The following HYDIN variants were observed in gnomAD, a reference collection of about 807,000 sequenced individuals.
HYDIN encodes the protein axonemal central pair apparatus protein HYDIN.
In HYDIN, 132 loss-of-function variants were observed where a neutral mutation model predicts 403.9. The observed-to-expected ratio is 0.33, with a 90% confidence interval of 0.28 to 0.38. HYDIN has a LOEUF of 0.38. Among genes scored for constraint, HYDIN ranks in the 10% least tolerant of loss-of-function variants. The pLI is 1.00. For synonymous variants in HYDIN, 1,202 were observed against 1,891.7 expected (o/e 0.64, Z 9.46); for missense variants, 2,827 against 5,009.5 (o/e 0.56, Z 13.15).
At chr16:70,871,056 A>G (rs908487339) in intron 65 of HYDIN, among the ~76,000 whole-genome samples, 2 of 152,070 alleles carry the variant, frequency 1.3e-5, no homozygotes, top group African/African-American at 4.8e-5. Flanking sequence ...AAAAAAAAGT[A>G]GTATCTGCCT....
At chr16:70,942,794 G>A (rs1455125317) in intron 42 of HYDIN, among the ~76,000 whole-genome samples, 1 of 152,180 alleles carries the variant, frequency 6.6e-6, no homozygotes, top group East Asian at 1.9e-4. Flanking sequence ...AAGAAGCCCT[G>A]TAAGCTCCAC....
At chr16:71,000,293 T>C (rs1378883102) in intron 23 of HYDIN, among the ~76,000 whole-genome samples, 1 of 149,644 alleles carries the variant, frequency 6.7e-6, no homozygotes, top group Non-Finnish European at 1.5e-5. Flanking sequence ...CCACTGATAC[T>C]GGAAACATCG....
At chr16:70,890,085 T>C (rs2041381011) in intron 57 of HYDIN, among the ~76,000 whole-genome samples, 1 of 152,258 alleles carries the variant, frequency 6.6e-6, no homozygotes, top group Non-Finnish European at 1.5e-5. Context: ...TAAGCTCTTT[T>C]CTGTATCTTC....
chr16:70,978,087 C>T (rs1433850644), intron 30 of HYDIN, among the ~76,000 whole-genome samples: 19 of 152,088 alleles, frequency 1.2e-4, no homozygotes, highest in Admixed American at 1.2e-3. Flanking sequence ...AGAAATCTCA[C>T]ATTCGGTAGC....
rs764069105 is a variant in HYDIN, at chr16:71,129,715, G to A, written c.1152C>T (p.Thr384=). 1.9e-6 allele frequency: 3 copies of A among 1,614,066 alleles called. No individual in the cohort carries two copies. Among genetic ancestry groups the A allele is most frequent in the African/African-American group, 2.7e-5 (2 of 74,912 alleles). The change falls in exon 9 of 86, where the codon ACC becomes ACT. Residue 384 remains threonine, a synonymous_variant. Transcript: ENST00000393567. ...GCACCAGCCTCCTCTGATTCGCAAA[G>A]GTTCGGGACAGAACAGAAAGATGTT... ...LREHLSVLSR[T]FANQRRLVQG... is the part of the protein sequence containing the mutation.
At chr16:70,995,721 T>C (rs1199029319) in intron 23 of HYDIN, among the ~76,000 whole-genome samples, 1 of 151,996 alleles carries the variant, frequency 6.6e-6, no homozygotes. Flanking sequence ...TGTAGTCTTG[T>C]GGGAAAAGGT....
chr16:71,215,237 G>A (rs2088819637), intron 1 of HYDIN, among the ~76,000 whole-genome samples: 1 of 151,902 alleles, frequency 6.6e-6, no homozygotes, highest in African/African-American at 2.4e-5. Context: ...GAGAAAGGGA[G>A]AAATGGAGAA....
At position 70,829,606 on chromosome 16, in the gene HYDIN, ACCT is replaced by A; in HGVS notation, c.14112+9_14112+11del. On this transcript the variant is annotated intron_variant, in intron 81 of 85. Transcript: ENST00000393567. ...CCAGGAAACCAATGGGGGTGGGGGG[ACCT>A]CAGTCTACCTGGTGCTTGCGGTTCT... 6.2e-7 allele frequency: 1 copy of A among 1,609,216 alleles called. No homozygotes were observed. Among genetic ancestry groups the A allele is most frequent in the East Asian group, 2.2e-5 (1 of 44,846 alleles).
At chr16:71,197,340 G>C (rs1023258555) in intron 1 of HYDIN, among the ~76,000 whole-genome samples, 1 of 152,166 alleles carries the variant, frequency 6.6e-6, no homozygotes, top group South Asian at 2.1e-4. Context: ...TCAGTGATAC[G>C]GTTACTAGCA....
intron 83 of HYDIN, among the ~76,000 whole-genome samples, chr16:70,819,621 A>C (rs1351325748): frequency 6.8e-6 from 1 of 146,552 alleles, no homozygotes; most frequent in Non-Finnish European, 1.5e-5. Context: ...GGTGACTGAT[A>C]ATGTTCAGCA....
intron 7 of HYDIN, among the ~76,000 whole-genome samples, chr16:71,151,621 C>T (rs1302590072): frequency 1.3e-5 from 2 of 151,844 alleles, no homozygotes; most frequent in Non-Finnish European, 2.9e-5. Flanking sequence ...TTAGCTTACT[C>T]TTTCCCCGGC....
In HYDIN at chr16:71,226,443, C is replaced by G. The variant is rs79407592; in HGVS notation, c.-24+4119G>C. On this transcript the variant is annotated intron_variant, in intron 1 of 85. Coordinates refer to ENST00000393567, the MANE Select transcript of HYDIN (RefSeq NM_001270974.2). ...ACATAAAAATTAACTCAAAACTCAT[C>G]AAAGACCTACATGTGAAACCCAAAG... Among the ~76,000 whole-genome samples, 1,299 of 152,156 alleles carry G rather than the reference C, an allele frequency of 8.5e-3. 18 individuals carry two copies. Among genetic ancestry groups the G allele is most frequent in the African/African-American group, 0.03 (1,235 of 41,518 alleles).
At chr16:71,061,802 C>A (rs960500137) in intron 17 of HYDIN, among the ~76,000 whole-genome samples, 1 of 150,812 alleles carries the variant, frequency 6.6e-6, no homozygotes, top group Non-Finnish European at 1.5e-5. Context: ...GATGTGCTGG[C>A]TTCCTCCCCT....
chr16:70,964,889 C>G lies in HYDIN; in HGVS notation c.5627G>C (p.Arg1876Pro), dbSNP rs371318679. 1 of 1,612,770 alleles carries G rather than the reference C, an allele frequency of 6.2e-7. No homozygotes were observed. Among genetic ancestry groups the G allele is most frequent in the Non-Finnish European group, 8.5e-7 (1 of 1,179,946 alleles). Residue 1876 changes from arginine (R) to proline (P), a missense_variant, in exon 37 of 86, where the codon CGG (arginine) becomes CCG (proline). Physicochemically the swap from Arg to Pro is moderately radical, Grantham distance 103. Transcript: ENST00000393567. ...QQYLIEEKIL[R>P]KLKGYDSYNT... Reference sequence around the variant, plus strand: ...GTAGGAATCATAGCCCTTCAGCTTCCGCAAGATCTGCTCGAGGGGAGAAAG... The same window carrying G: ...GTAGGAATCATAGCCCTTCAGCTTCGGCAAGATCTGCTCGAGGGGAGAAAG...
intron 9 of HYDIN, among the ~76,000 whole-genome samples, chr16:71,126,823 C>T (rs202019632): frequency 6.6e-6 from 1 of 152,050 alleles, no homozygotes; most frequent in Non-Finnish European, 1.5e-5. Flanking sequence ...CAGTTCAGAT[C>T]GCATTTCTTC....
intron 6 of HYDIN, among the ~76,000 whole-genome samples, chr16:71,154,427 CTT>C (rs933018148): frequency 8.1e-6 from 1 of 123,098 alleles, no homozygotes; most frequent in Non-Finnish European, 1.7e-5. Flanking sequence ...CAATTACACT[CTT>C]TTAGCTATTT....
rs1405917363 is a variant in HYDIN at position 70,809,948 on chromosome 16, A to G, written c.14718T>C (p.Thr4906=). Residue 4906 remains threonine (T), a synonymous_variant, in exon 85 of 86, where the codon ACT becomes ACC. Coordinates refer to ENST00000393567, the MANE Select transcript of HYDIN (RefSeq NM_001270974.2). ...LKAGETFGRL[T]LHNTDLGYYQ... is the part of the protein sequence containing the mutation. ...AGTAACCCAAGTCAGTGTTGTGCAAAGTTAGTCTTCCGAAGGTTTCTCCAG... is the reference window on the plus strand; with the variant it reads ...AGTAACCCAAGTCAGTGTTGTGCAAGGTTAGTCTTCCGAAGGTTTCTCCAG... 1 of 1,614,124 alleles carries G rather than the reference A, an allele frequency of 6.2e-7. No individual in the cohort carries two copies. The highest frequency in any genetic ancestry group is 2.2e-5 in the East Asian group (1 of 44,882).
At chr16:71,227,445 T>C (rs1382437819) in intron 1 of HYDIN, among the ~76,000 whole-genome samples, 1 of 152,172 alleles carries the variant, frequency 6.6e-6, no homozygotes, top group Non-Finnish European at 1.5e-5. Context: ...CTCCTTAAGC[T>C]GATAAGCAAC....
intron 77 of HYDIN, among the ~76,000 whole-genome samples, 185 bp downstream of exon 77, chr16:70,837,505 C>T (rs1280123327): frequency 1.3e-5 from 2 of 151,974 alleles, no homozygotes; most frequent in African/African-American, 4.8e-5. Context: ...TGAGTCTGAT[C>T]TGGTGATTTG....
Sources: allele counts gnomAD v4.1 joint callset (sites outside exome capture counted in the v4.1 genomes callset), GRCh38; gene constraint gnomAD v4.1.1; transcripts MANE v1.5; gene names NCBI Gene and HGNC (gene_info 2026-07-23, HGNC 2026-07-21).